GLG1: variants seen among roughly 807,000 people sequenced by gnomAD.
GLG1 encodes Golgi apparatus protein 1.
Under a neutral mutation model 160.5 loss-of-function variants are expected in GLG1, and 38 were observed. The ratio of observed to expected loss-of-function variants is 0.24; its 90% CI spans 0.18 to 0.31. The LOEUF is 0.31. GLG1 is among the 10% of genes least tolerant of loss of function. The pLI, the probability that GLG1 is intolerant of heterozygous loss-of-function variation, is 1.00. For synonymous variants in GLG1, 644 were observed against 543.4 expected (o/e 1.19, Z -2.57); for missense variants, 1,373 against 1,505.2 (o/e 0.91, Z 1.45).
At chr16:74,531,827 A>C (rs1394335187) in intron 2 of GLG1, among the ~76,000 whole-genome samples, 1 of 152,204 alleles carries the variant, frequency 6.6e-6, no homozygotes, top group African/African-American at 2.4e-5. Flanking sequence ...AAATGAGAAA[A>C]CTTTAAAACA....
At chr16:74,524,263 A>T (rs1043362805) in intron 2 of GLG1, among the ~76,000 whole-genome samples, 6 of 152,118 alleles carry the variant, frequency 3.9e-5, no homozygotes, top group African/African-American at 9.7e-5. Flanking sequence ...CTTTTTAATT[A>T]TTACCTGTTT....
At chr16:74,561,758 G>C (rs1305293435) in intron 1 of GLG1, among the ~76,000 whole-genome samples, 2 of 152,184 alleles carry the variant, frequency 1.3e-5, no homozygotes, top group East Asian at 1.9e-4. Context: ...GCAATGTTAA[G>C]CATGGAATCA....
chr16:74,598,248 G>A (rs940324712), intron 1 of GLG1, among the ~76,000 whole-genome samples: 1 of 152,080 alleles, frequency 6.6e-6, no homozygotes, highest in Non-Finnish European at 1.5e-5. Flanking sequence ...TTGGTCGGGC[G>A]CGGTGGCTCA....
In GLG1 at chr16:74,474,334, G is replaced by A. The variant is rs1005746442; in HGVS notation, c.2052+212C>T. 2.0e-5 allele frequency: 11 copies of A among 548,880 alleles called. No individual in the cohort carries two copies. The East Asian group carries it at 2.4e-4, about 12-fold the overall frequency. 34.0% of individuals were successfully genotyped at this position (548,880 alleles called of 1,614,324 possible). Reference sequence around the variant, plus strand: ...AATTTATGAAGAAAACCAAAGGGCTGTATAGAGTGTTGTTCTAGAGAAATG... The same window carrying A: ...AATTTATGAAGAAAACCAAAGGGCTATATAGAGTGTTGTTCTAGAGAAATG... On this transcript the variant is annotated intron_variant, in intron 13 of 25. Transcript: ENST00000422840.
intron 1 of GLG1, among the ~76,000 whole-genome samples, chr16:74,588,320 T>C (rs1450725683): frequency 2.6e-5 from 4 of 152,186 alleles, no homozygotes; most frequent in Non-Finnish European, 4.4e-5. Flanking sequence ...ATGTTATCTA[T>C]GTAAATGTGA....
chr16:74,470,149 T>C (rs1454609523), intron 15 of GLG1, 76 bp from the exon 16 acceptor site: 35 of 844,018 alleles, frequency 4.1e-5, no homozygotes, highest in Non-Finnish European at 7.1e-5. Flanking sequence ...CACTTTTTCA[T>C]ATAGCTCTCA....
intron 1 of GLG1, among the ~76,000 whole-genome samples, chr16:74,574,623 C>CT (rs775308424): frequency 1.3e-5 from 2 of 151,924 alleles, no homozygotes; most frequent in African/African-American, 2.4e-5. Flanking sequence ...TGGCTCACGC[C>CT]TGTAACCCCA....
chr16:74,522,509 T>A (rs1345641715), intron 2 of GLG1, among the ~76,000 whole-genome samples: 1 of 152,226 alleles, frequency 6.6e-6, no homozygotes, highest in Non-Finnish European at 1.5e-5. Flanking sequence ...CATTCAGACG[T>A]CATCTTTGAG....
At chr16:74,550,715 A>G (rs1163896798) in intron 1 of GLG1, among the ~76,000 whole-genome samples, 1 of 152,192 alleles carries the variant, frequency 6.6e-6, no homozygotes, top group African/African-American at 2.4e-5. Context: ...GAGGGGGACA[A>G]GCTTGGCAGC....
intron 1 of GLG1, among the ~76,000 whole-genome samples, chr16:74,603,670 A>G (rs1958497005): frequency 6.6e-6 from 1 of 152,112 alleles, no homozygotes; most frequent in Admixed American, 6.6e-5. Context: ...TGGCCATTTC[A>G]ACCAAGAATA....
At chr16:74,465,217 T>C (rs1435943806) in intron 19 of GLG1, among the ~76,000 whole-genome samples, 4 of 152,216 alleles carry the variant, frequency 2.6e-5, no homozygotes, top group Non-Finnish European at 4.4e-5. Flanking sequence ...CTGCAGGGAA[T>C]ACCTGCTGGA....
intron 3 of GLG1, among the ~76,000 whole-genome samples, chr16:74,504,691 T>C (rs9923616): frequency 0.69 from 105,672 of 152,098 alleles, 36,906 homozygotes; most frequent in East Asian, 0.81. Context: ...CTGGGACACA[T>C]GTGGTCTGGG....
At chr16:74,527,002 GGC>G (rs1567503877) in intron 2 of GLG1, among the ~76,000 whole-genome samples, 1 of 152,060 alleles carries the variant, frequency 6.6e-6, no homozygotes. Flanking sequence ...GGGTCATGAT[GGC>G]TAAATACCAT....
At chr16:74,500,326 C>G (rs1025865077) in intron 4 of GLG1, among the ~76,000 whole-genome samples, 1 of 152,078 alleles carries the variant, frequency 6.6e-6, no homozygotes, top group East Asian at 1.9e-4. Context: ...AATGAACTTA[C>G]AATAATTTTT....
intron 3 of GLG1, among the ~76,000 whole-genome samples, chr16:74,507,459 G>A (rs1048736585): frequency 1.3e-5 from 2 of 152,090 alleles, no homozygotes; most frequent in Non-Finnish European, 2.9e-5. Context: ...ACTTATGGCC[G>A]GGCACGGTGA....
At chr16:74,460,039 T>A (rs1016346984) in intron 22 of GLG1, among the ~76,000 whole-genome samples, 2 of 140,516 alleles carry the variant, frequency 1.4e-5, no homozygotes, top group African/African-American at 5.5e-5. Flanking sequence ...TTTTTTTTTT[T>A]AGACAGAGTC....
chr16:74,463,431 G>C lies in GLG1; in HGVS notation c.2716C>G (p.Gln906Glu). 1 of 1,613,508 alleles carries C rather than the reference G, an allele frequency of 6.2e-7. No homozygotes were observed. Among genetic ancestry groups the C allele is most frequent in the Non-Finnish European group, 8.5e-7 (1 of 1,179,450 alleles). The change falls in exon 20 of 26, where the codon CAA (glutamine) becomes GAA (glutamate). Residue 906 changes from glutamine to glutamate, a missense_variant. Coordinates refer to ENST00000422840, the MANE Select transcript of GLG1 (RefSeq NM_001145667.2). Reference sequence around the variant, plus strand: ...TCCATCAATTCACTGTTTTTATTTTGCTTCAAGCACTGCAACATGGTTTTA... The same window carrying C: ...TCCATCAATTCACTGTTTTTATTTTCCTTCAAGCACTGCAACATGGTTTTA... Reference protein sequence around the residue: ...DSKTMLQCLKQNKNSELMDPK... With the variant: ...DSKTMLQCLKENKNSELMDPK...
intron 2 of GLG1, among the ~76,000 whole-genome samples, chr16:74,519,380 T>C (rs970777166): frequency 2.4e-4 from 37 of 152,108 alleles, no homozygotes; most frequent in African/African-American, 8.7e-4. Context: ...AAATACCTAA[T>C]GTAGGTGACA....
chr16:74,513,680 G>A (rs2016884854), intron 2 of GLG1, among the ~76,000 whole-genome samples: 1 of 152,066 alleles, frequency 6.6e-6, no homozygotes, highest in Admixed American at 6.6e-5. Flanking sequence ...GGTAGAAGAT[G>A]GGGAGAAACC....
Sources: allele counts gnomAD v4.1 joint callset (sites outside exome capture counted in the v4.1 genomes callset), GRCh38; gene constraint gnomAD v4.1.1; transcripts MANE v1.5; gene names NCBI Gene and HGNC (gene_info 2026-07-23, HGNC 2026-07-21).